Variants in FAM216B observed in about 807,000 individuals in gnomAD.
The protein encoded by FAM216B is family with sequence similarity 216 member B.
Under a neutral mutation model 12.9 loss-of-function variants are expected in FAM216B, and 11 were observed. The observed-to-expected ratio is 0.86, with a 90% CI of 0.54 to 1.42. The LOEUF (loss-of-function observed/expected upper bound fraction) is 1.42. Ranked by LOEUF, FAM216B falls within the 40% of genes most tolerant of loss-of-function variation. FAM216B has a pLI of 0.00. For missense variants in FAM216B, 167 were observed against 162.9 expected (o/e 1.02, Z -0.14); for synonymous variants, 52 against 57.2 (o/e 0.91, Z 0.41).
chr13:42,791,034 G>A lies in FAM216B; in HGVS notation c.*2244G>A, dbSNP rs1442730864. ...AACAAGTCTATCCCGCAAAGGGCAG[G>A]GAATAGAGGGTACACTGGAAAGAAT... On this transcript the variant is annotated 3_prime_UTR_variant, in exon 4 of 4. Coordinates refer to ENST00000313851, the MANE Select transcript of FAM216B (RefSeq NM_001318932.2). The A allele has an allele frequency of 6.6e-6, 1 of 152,048 alleles. No homozygotes were observed. The highest frequency in any genetic ancestry group is 1.9e-4 in the East Asian group (1 of 5,196). 9.4% of individuals were successfully genotyped at this position (152,048 alleles called of 1,614,324 possible). A position where few individuals can be genotyped will look rare whatever the true frequency, so the allele number is the denominator to read the frequency against.
chr13:42,789,637 TG>T lies in FAM216B; in HGVS notation c.*848del, dbSNP rs1874240478. 6 of 4,636 alleles carry T rather than the reference TG, an allele frequency of 1.3e-3. No individual in the cohort carries two copies. The highest frequency in any genetic ancestry group is 7.0e-3 in the Admixed American group (4 of 568). The allele number at this position is 4,636 out of a possible 1,614,324, so 0.3% of individuals were successfully genotyped here. On this transcript the variant is annotated 3_prime_UTR_variant, in exon 4 of 4. Transcript: ENST00000313851. ...TGGTTATTTTCATCACCAGAGATTT[TG>T]TGTGTGTGTGTGTGTGTGTGTGTGT... is the stretch of plus-strand genomic sequence containing the variant.
intron 2 of FAM216B, among the ~76,000 whole-genome samples, chr13:42,784,759 G>A (rs12877687): frequency 0.14 from 21,404 of 150,810 alleles, 1,594 homozygotes; most frequent in Middle Eastern, 0.19. Context: ...GCGTGAACTC[G>A]GGAGGCAGAG....
At chr13:42,785,202 CT>C (rs1366760731) in intron 2 of FAM216B, among the ~76,000 whole-genome samples, 2 of 152,166 alleles carry the variant, frequency 1.3e-5, no homozygotes, top group Admixed American at 1.3e-4. Context: ...ACTTCAGAAA[CT>C]AAAGCTGAAA....
rs940504919 is a variant in FAM216B, at chr13:42,790,504, A to C, written c.*1714A>C. On this transcript the variant is annotated 3_prime_UTR_variant, in exon 4 of 4. Coordinates refer to ENST00000313851, the MANE Select transcript of FAM216B (RefSeq NM_001318932.2). ...GACAGGTGAATGTCACAGGTCCATA[A>C]GAAGGACAAATAGATCTAAGTTGGG... 1.3e-5 allele frequency: 2 copies of C among 152,148 alleles called. No individual in the cohort carries two copies. Among genetic ancestry groups the C allele is most frequent in the East Asian group, 1.9e-4 (1 of 5,198 alleles). The allele number at this position is 152,148 out of a possible 1,614,324, so 9.4% of individuals were successfully genotyped here. A position where few individuals can be genotyped will look rare whatever the true frequency, so the allele number is the denominator to read the frequency against.
chr13:42,783,411 T>C (rs1269434659), intron 1 of FAM216B, among the ~76,000 whole-genome samples: 2 of 152,092 alleles, frequency 1.3e-5, no homozygotes, highest in Non-Finnish European at 2.9e-5. Context: ...TCCAAAATGC[T>C]TGGGACCAGA....
chr13:42,787,963 G>A (rs1272831218), intron 3 of FAM216B, among the ~76,000 whole-genome samples: 4 of 152,112 alleles, frequency 2.6e-5, no homozygotes, highest in Admixed American at 2.6e-4. Context: ...GTATTTAATA[G>A]TAAACAGAGA....
rs1472699085 is a variant in FAM216B at position 42,789,814 on chromosome 13, G to A, written c.*1024G>A. ...TGGAATATAAATTTTATTGACAAGGGATGTGCTAACATTGATCTGAAAGGA... is the reference window on the plus strand; with the variant it reads ...TGGAATATAAATTTTATTGACAAGGAATGTGCTAACATTGATCTGAAAGGA... On this transcript the variant is annotated 3_prime_UTR_variant, in exon 4 of 4. Transcript: ENST00000313851. The A allele has an allele frequency of 6.6e-6, 1 of 152,090 alleles. No homozygotes were observed. Among genetic ancestry groups the A allele is most frequent in the Non-Finnish European group, 1.5e-5 (1 of 68,016 alleles). 9.4% of individuals were successfully genotyped at this position (152,090 alleles called of 1,614,324 possible). A position where few individuals can be genotyped will look rare whatever the true frequency, so the allele number is the denominator to read the frequency against.
chr13:42,782,091 G>T (rs4942157), intron 1 of FAM216B, among the ~76,000 whole-genome samples: 44,370 of 152,028 alleles, frequency 0.29, 6,668 homozygotes, highest in African/African-American at 0.38. Context: ...GTTTAATTTA[G>T]ACATTTATAT....
chr13:42,783,407 A>G (rs9525682), intron 1 of FAM216B, among the ~76,000 whole-genome samples: 18,589 of 152,194 alleles, frequency 0.12, 1,305 homozygotes, highest in Middle Eastern at 0.18. Flanking sequence ...CTTATCCAAA[A>G]TGCTTGGGAC....
Position 42,788,981 on chromosome 13 carries a change from G to A in FAM216B, c.*191G>A, listed in dbSNP as rs148117954. The A allele has an allele frequency of 4.0e-6, 2 of 503,926 alleles. No individual in the cohort carries two copies. Among genetic ancestry groups the A allele is most frequent in the East Asian group, 6.3e-5 (2 of 31,936 alleles). The allele number at this position is 503,926 out of a possible 1,614,324, so 31.2% of individuals were successfully genotyped here. On this transcript the variant is annotated 3_prime_UTR_variant, in exon 4 of 4. Transcript: ENST00000313851. ...TTAAGAGCAATGGAGCCGAGAGTAA[G>A]CAAGCCTTTCCACATAACATCCGTA...
chr13:42,788,836 T>C lies in FAM216B; in HGVS notation c.*46T>C, dbSNP rs752280134. 17 of 1,529,346 alleles carry C rather than the reference T, an allele frequency of 1.1e-5. No individual in the cohort carries two copies. The highest frequency in any genetic ancestry group is 1.3e-5 in the Non-Finnish European group (15 of 1,121,436). 94.7% of individuals were successfully genotyped at this position (1,529,346 alleles called of 1,614,324 possible). A position where few individuals can be genotyped will look rare whatever the true frequency, so the allele number is the denominator to read the frequency against. On this transcript the variant is annotated 3_prime_UTR_variant, in exon 4 of 4. Transcript: ENST00000313851. ...AACAGGAAGTTTGCCCATGTATCCC[T>C]GGTATCTAGTGGGTGCTTTGTGCAT... is the stretch of plus-strand genomic sequence containing the variant.
chr13:42,788,702 C>T lies in FAM216B; in HGVS notation c.332C>T (p.Ala111Val). The T allele has an allele frequency of 1.2e-6, 2 of 1,613,922 alleles. No homozygotes were observed. The highest frequency in any genetic ancestry group is 1.6e-4 in the Middle Eastern group (1 of 6,062). The change falls in exon 4 of 4, where the codon GCC becomes GTC. Residue 111 changes from alanine (A) to valine (V), a missense_variant. Ala to Val is a moderately conservative substitution (Grantham distance 64). Coordinates refer to ENST00000313851, the MANE Select transcript of FAM216B (RefSeq NM_001318932.2). The part of the protein sequence containing the change: ...PQRTIPRKTS[A>V]MTRRCPSVLP... ...AGAACCATTCCCCGGAAAACTTCAG[C>T]CATGACAAGAAGATGTCCATCAGTA...
At chr13:42,786,256 T>C (rs539661142) in intron 2 of FAM216B, among the ~76,000 whole-genome samples, 65 of 152,324 alleles carry the variant, frequency 4.3e-4, no homozygotes, top group African/African-American at 1.5e-3. Context: ...AAGATGATCA[T>C]CTCATTTAGA....
In FAM216B at chr13:42,784,170, T is replaced by C. The variant is rs766122658; in HGVS notation, c.99+4T>C. 5 of 1,365,848 alleles carry C rather than the reference T, an allele frequency of 3.7e-6. No homozygotes were observed. The South Asian group carries it at 6.5e-5, about 18-fold the overall frequency. The allele number at this position is 1,365,848 out of a possible 1,614,324, so 84.6% of individuals were successfully genotyped here. A position where few individuals can be genotyped will look rare whatever the true frequency, so the allele number is the denominator to read the frequency against. On this transcript the variant is annotated splice_donor_region_variant and intron_variant, in intron 2 of 3. Coordinates refer to ENST00000313851, the MANE Select transcript of FAM216B (RefSeq NM_001318932.2). Reference sequence around the variant, plus strand: ...CTATGACACTTCCTTACTAAAGGTATGGCTTTTTTTTTTTTTTTTTTTTCA... The same window carrying C: ...CTATGACACTTCCTTACTAAAGGTACGGCTTTTTTTTTTTTTTTTTTTTCA...
Position 42,788,665 on chromosome 13 carries a change from G to T in FAM216B, c.295G>T (p.Val99Leu). 6.2e-7 allele frequency: 1 copy of T among 1,613,922 alleles called. No homozygotes were observed. Among genetic ancestry groups the T allele is most frequent in the Non-Finnish European group, 8.5e-7 (1 of 1,179,888 alleles). Residue 99 changes from valine to leucine, a missense_variant, in exon 4 of 4, where the codon GTA becomes TTA. Physicochemically the swap from Val to Leu is conservative, Grantham distance 32. Coordinates refer to ENST00000313851, the MANE Select transcript of FAM216B (RefSeq NM_001318932.2). Reference protein sequence around the residue: ...RDSTKRASAKVAPQRTIPRKT... With the variant: ...RDSTKRASAKLAPQRTIPRKT... ...TTCAACCAAGAGAGCCTCAGCCAAGGTAGCTCCTCAAAGAACCATTCCCCG... is the reference window on the plus strand; with the variant it reads ...TTCAACCAAGAGAGCCTCAGCCAAGTTAGCTCCTCAAAGAACCATTCCCCG...
chr13:42,789,059 C>G lies in FAM216B; in HGVS notation c.*269C>G. The stretch of plus-strand genomic sequence containing the variant: ...AGTAAAAGTTTACTTTGGATTAGAA[C>G]CTCCTAGAGAAGTCCCCAAAACAGT... On this transcript the variant is annotated 3_prime_UTR_variant, in exon 4 of 4. Coordinates refer to ENST00000313851, the MANE Select transcript of FAM216B (RefSeq NM_001318932.2). 3.5e-6 allele frequency: 1 copy of G among 287,986 alleles called. No homozygotes were observed. The highest frequency in any genetic ancestry group is 6.2e-5 in the South Asian group (1 of 16,130). 17.8% of individuals were successfully genotyped at this position (287,986 alleles called of 1,614,324 possible).
In FAM216B at chr13:42,785,925, C is replaced by G. The variant is rs184335264; in HGVS notation, c.100-838C>G. 1.9e-4 allele frequency among the ~76,000 whole-genome samples: 29 copies of G among 152,296 alleles called. No individual in the cohort carries two copies. The East Asian group carries it at 4.8e-3, about 25-fold the overall frequency. On this transcript the variant is annotated intron_variant, in intron 2 of 3. Transcript: ENST00000313851. ...CACTGAATGCCAGGAGCACCCCCTC[C>G]TCCTCCCACCAATTAGGACAATAAA...
At chr13:42,781,963 T>C (rs572987813) in intron 1 of FAM216B, among the ~76,000 whole-genome samples, 22 of 152,312 alleles carry the variant, frequency 1.4e-4, no homozygotes, top group Non-Finnish European at 3.1e-4. Flanking sequence ...TTGAAATGAT[T>C]TGAGTACAGG....
chr13:42,788,473 A>G lies in FAM216B; in HGVS notation c.221-118A>G, dbSNP rs111268584. 290 of 740,584 alleles carry G rather than the reference A, an allele frequency of 3.9e-4. No individual in the cohort carries two copies. The African/African-American group carries it at 4.5e-3, about 11-fold the overall frequency. The allele number at this position is 740,584 out of a possible 1,614,324, so 45.9% of individuals were successfully genotyped here. The stretch of plus-strand genomic sequence containing the variant: ...TCTTCAAAGATCATATAATCTGGGC[A>G]TGCTTACCACAAGAGTAGAATAAAT... On this transcript the variant is annotated intron_variant, in intron 3 of 3. Coordinates refer to ENST00000313851, the MANE Select transcript of FAM216B (RefSeq NM_001318932.2).
Sources: allele counts gnomAD v4.1 joint callset (sites outside exome capture counted in the v4.1 genomes callset), GRCh38; gene constraint gnomAD v4.1.1; transcripts MANE v1.5; gene names NCBI Gene and HGNC (gene_info 2026-07-23, HGNC 2026-07-21).